Variants in CSMD1 observed in about 807,000 individuals in gnomAD.
The protein encoded by CSMD1 is CUB and Sushi multiple domains 1.
A neutral mutation model predicts 417.5 loss-of-function variants in CSMD1; 213 were observed. The ratio of observed to expected loss-of-function variants is 0.51; its 90% CI spans 0.46 to 0.57. The LOEUF is 0.57. CSMD1 is among the 20% of genes least tolerant of loss of function. The probability of loss-of-function intolerance (pLI) is 0.00; values close to 1 mark genes in which losing one functional copy is unlikely to be tolerated. For synonymous variants in CSMD1, 2,862 were observed against 1,736.8 expected, an observed-to-expected ratio of 1.65 and a Z score of -16.11; for missense variants, 6,923 against 4,529.7, an observed-to-expected ratio of 1.53 and a Z score of -15.17.
chr8:4,965,027 G>A (rs923758111), intron 1 of CSMD1, among the ~76,000 whole-genome samples: 45 of 152,180 alleles, frequency 3.0e-4, no homozygotes, highest in Admixed American at 2.6e-3. Flanking sequence ...CAATATGCAC[G>A]TTGCTTTACT....
At chr8:3,010,894 C>T (rs1351297084) in intron 52 of CSMD1, among the ~76,000 whole-genome samples, 1 of 151,948 alleles carries the variant, frequency 6.6e-6, no homozygotes, top group East Asian at 1.9e-4. Flanking sequence ...CTGGTGCCCA[C>T]CATTATGTCC....
At chr8:3,695,766 A>G (rs1800519584) in intron 7 of CSMD1, among the ~76,000 whole-genome samples, 1 of 152,230 alleles carries the variant, frequency 6.6e-6, no homozygotes, top group Admixed American at 6.5e-5. Context: ...AGCATATTCA[A>G]TACATGATGA....
chr8:4,115,067 G>A (rs771870410), intron 3 of CSMD1, among the ~76,000 whole-genome samples: 32 of 152,118 alleles, frequency 2.1e-4, no homozygotes, highest in Non-Finnish European at 2.9e-4. Context: ...TTGCTACTCC[G>A]AGCAAAATGC....
At chr8:4,750,285 G>A (rs1199931050) in intron 1 of CSMD1, among the ~76,000 whole-genome samples, 1 of 152,098 alleles carries the variant, frequency 6.6e-6, no homozygotes, top group Non-Finnish European at 1.5e-5. Flanking sequence ...GGGATTACAG[G>A]GTGAACCACC....
At chr8:4,816,751 G>C (rs534207170) in intron 1 of CSMD1, among the ~76,000 whole-genome samples, 1 of 152,132 alleles carries the variant, frequency 6.6e-6, no homozygotes, top group South Asian at 2.1e-4. Context: ...GCTGTTGCAG[G>C]ACTCATCTAG....
chr8:4,382,600 A>AT (rs1584989016), intron 3 of CSMD1, among the ~76,000 whole-genome samples: 2 of 152,238 alleles, frequency 1.3e-5, no homozygotes, highest in East Asian at 3.8e-4. Flanking sequence ...TTGAGTATCC[A>AT]TTAAATCTTA....
intron 49 of CSMD1, among the ~76,000 whole-genome samples, chr8:3,057,256 T>TCA (rs1812294470): frequency 1.3e-5 from 2 of 152,328 alleles, no homozygotes; most frequent in African/African-American, 4.8e-5. Flanking sequence ...ATCTTAATGG[T>TCA]TATTTTCCTC....
intron 6 of CSMD1, among the ~76,000 whole-genome samples, chr8:3,740,180 A>T (rs1450016588): frequency 6.6e-6 from 1 of 152,118 alleles, no homozygotes; most frequent in African/African-American, 2.4e-5. Flanking sequence ...ATCTTGGCTC[A>T]CTGCAACCCC....
At chr8:3,521,766 C>T (rs983716032) in intron 10 of CSMD1, among the ~76,000 whole-genome samples, 9 of 152,042 alleles carry the variant, frequency 5.9e-5, no homozygotes, top group African/African-American at 2.2e-4. Context: ...TATTGTATTC[C>T]CAGAACAAAA....
At chr8:4,097,157 A>G (rs1025780535) in intron 3 of CSMD1, among the ~76,000 whole-genome samples, 5 of 152,094 alleles carry the variant, frequency 3.3e-5, no homozygotes, top group African/African-American at 9.7e-5. Context: ...TCTTTCTGTC[A>G]TGCTTACCAT....
intron 3 of CSMD1, among the ~76,000 whole-genome samples, chr8:4,254,680 T>TCA (rs1434741594): frequency 6.6e-6 from 1 of 152,150 alleles, no homozygotes; most frequent in Non-Finnish European, 1.5e-5. Context: ...TTCTTACGTT[T>TCA]CACTCCATAT....
chr8:3,450,596 A>C (rs1815640658), intron 12 of CSMD1, among the ~76,000 whole-genome samples: 1 of 151,330 alleles, frequency 6.6e-6, no homozygotes, highest in Non-Finnish European at 1.5e-5. Context: ...TAGTTTCCTG[A>C]GAATCATGGT....
chr8:4,390,472 A>C (rs2128923404), intron 3 of CSMD1, among the ~76,000 whole-genome samples: 1 of 132,602 alleles, frequency 7.5e-6, no homozygotes, highest in South Asian at 2.4e-4. Flanking sequence ...TAGTTAAGAA[A>C]ACTGTTACCC....
At chr8:4,890,461 T>A (rs1159216164) in intron 1 of CSMD1, among the ~76,000 whole-genome samples, 2 of 150,254 alleles carry the variant, frequency 1.3e-5, no homozygotes, top group Non-Finnish European at 3.0e-5. Flanking sequence ...AACGTGACTC[T>A]GACACCCTCT....
chr8:3,831,816 A>G (rs1220994180), intron 5 of CSMD1, among the ~76,000 whole-genome samples: 1 of 152,176 alleles, frequency 6.6e-6, no homozygotes, highest in Non-Finnish European at 1.5e-5. Flanking sequence ...AATGCTGCCC[A>G]TCATAATCTG....
intron 3 of CSMD1, among the ~76,000 whole-genome samples, chr8:4,182,714 A>C (rs879712651): frequency 1.3e-5 from 2 of 152,160 alleles, no homozygotes; most frequent in African/African-American, 4.8e-5. Flanking sequence ...GTTAGAAAGA[A>C]AAAGAACAGC....
intron 7 of CSMD1, among the ~76,000 whole-genome samples, chr8:3,687,029 A>G (rs1390668382): frequency 1.3e-5 from 2 of 152,206 alleles, no homozygotes; most frequent in Admixed American, 1.3e-4. Flanking sequence ...GTAGGGGTGG[A>G]TGGCAGATGT....
At chr8:4,143,792 A>T (rs566375999) in intron 3 of CSMD1, among the ~76,000 whole-genome samples, 40 of 151,258 alleles carry the variant, frequency 2.6e-4, no homozygotes, top group Non-Finnish European at 5.3e-4. Flanking sequence ...GAGGGGGCCC[A>T]AGCAAGCTGT....
At chr8:4,455,701 C>T (rs1048617581) in intron 2 of CSMD1, among the ~76,000 whole-genome samples, 7 of 151,770 alleles carry the variant, frequency 4.6e-5, no homozygotes, top group South Asian at 2.1e-4. Context: ...GAGGCCGAAG[C>T]GGGTCGATCA....
Sources: gnomAD v4.1 joint callset for allele counts (sites outside exome capture counted in the v4.1 genomes callset) on GRCh38, gnomAD v4.1.1 for gene constraint, MANE v1.5 for transcripts, NCBI Gene and HGNC (gene_info 2026-07-23, HGNC 2026-07-21) for gene names.